The following MTUS2 variants were observed in gnomAD, a reference collection of about 807,000 sequenced individuals.
The protein encoded by MTUS2 is microtubule associated scaffold protein 2.
Under a neutral mutation model 114.1 loss-of-function variants are expected in MTUS2, and 40 were observed. The ratio of observed to expected loss-of-function variants is 0.35; its 90% CI spans 0.27 to 0.46. MTUS2 has a LOEUF of 0.46. Ranked by LOEUF, MTUS2 falls within the 20% of genes least tolerant of loss-of-function variation. MTUS2 has a pLI of 1.00. For synonymous variants in MTUS2, 688 were observed against 672.0 expected, an observed-to-expected ratio of 1.02 and a Z score of -0.37; for missense variants, 1,679 against 1,705.4, an observed-to-expected ratio of 0.98 and a Z score of 0.27.
chr13:28,901,147 T>G (rs1879620989), intron 2 of MTUS2, among the ~76,000 whole-genome samples: 1 of 152,222 alleles, frequency 6.6e-6, no homozygotes, highest in African/African-American at 2.4e-5. Flanking sequence ...TCTTTTCTTG[T>G]GCTTATTGCA....
Position 28,859,244 on chromosome 13 carries a change from G to A in MTUS2, c.-243+19394G>A, listed in dbSNP as rs529029924. 9.1e-4 allele frequency among the ~76,000 whole-genome samples: 139 copies of A among 152,322 alleles called. 1 individual carries two copies. The highest frequency in any genetic ancestry group is 2.1e-3 in the South Asian group (10 of 4,826). ...GCCCTGTTCAGTGGTCAGTACTACA[G>A]GGGTGGCTGGGGCCCAGTGGGAACT... On this transcript the variant is annotated intron_variant, in intron 2 of 15. Coordinates refer to ENST00000612955, the MANE Select transcript of MTUS2 (RefSeq NM_001033602.4).
chr13:29,500,923 A>G (rs1355289613), intron 14 of MTUS2, among the ~76,000 whole-genome samples, 174 bp from the exon 15 acceptor site: 2 of 152,200 alleles, frequency 1.3e-5, no homozygotes, highest in Non-Finnish European at 2.9e-5. Context: ...TCATTTAAAG[A>G]AGAAATGCTG....
intron 8 of MTUS2, among the ~76,000 whole-genome samples, chr13:29,423,910 G>A (rs1221344263): frequency 5.3e-5 from 8 of 151,786 alleles, no homozygotes; most frequent in Admixed American, 1.3e-4. Context: ...TGTCGCCCAG[G>A]CTACAATGCA....
chr13:29,409,870 G>A (rs949111024), intron 8 of MTUS2, among the ~76,000 whole-genome samples: 1 of 151,220 alleles, frequency 6.6e-6, no homozygotes, highest in African/African-American at 2.4e-5. Context: ...CATTCTCCTA[G>A]GAAGGGGCAT....
chr13:29,187,415 C>T (rs1291049950), intron 5 of MTUS2, among the ~76,000 whole-genome samples: 5 of 152,026 alleles, frequency 3.3e-5, no homozygotes, highest in Non-Finnish European at 5.9e-5. Context: ...GAAAGAGGGA[C>T]ATTACTACTG....
chr13:28,952,982 A>G (rs2138181892), intron 2 of MTUS2, among the ~76,000 whole-genome samples: 1 of 152,350 alleles, frequency 6.6e-6, no homozygotes, highest in South Asian at 2.1e-4. Context: ...CTATTGCCAG[A>G]TTGCTTCTAA....
intron 4 of MTUS2, among the ~76,000 whole-genome samples, chr13:29,051,149 T>C (rs1262747640): frequency 6.6e-6 from 1 of 152,056 alleles, no homozygotes; most frequent in Admixed American, 6.5e-5. Flanking sequence ...AGTTTACAGA[T>C]GAGAGTTACT....
intron 2 of MTUS2, among the ~76,000 whole-genome samples, chr13:28,878,206 A>AAT (rs146866165): frequency 0.019 from 2,803 of 149,340 alleles, 74 homozygotes; most frequent in African/African-American, 0.056. Context: ...CTTAAAAAAG[A>AAT]ATATATATAT....
intron 2 of MTUS2, among the ~76,000 whole-genome samples, chr13:28,946,450 A>G (rs1387536231): frequency 6.6e-6 from 1 of 152,190 alleles, no homozygotes; most frequent in Non-Finnish European, 1.5e-5. Flanking sequence ...GATCCTAAGG[A>G]AAAAGTCATG....
At chr13:28,905,582 C>T (rs1879947241) in intron 2 of MTUS2, among the ~76,000 whole-genome samples, 1 of 151,536 alleles carries the variant, frequency 6.6e-6, no homozygotes, top group Admixed American at 6.6e-5. Flanking sequence ...GTTGAACCAG[C>T]CTCGCATCCC....
chr13:29,044,337 C>T (rs1319713198), intron 4 of MTUS2, among the ~76,000 whole-genome samples: 1 of 151,870 alleles, frequency 6.6e-6, no homozygotes, highest in African/African-American at 2.4e-5. Flanking sequence ...CATAGTGTGT[C>T]GGTTTTCTCT....
At chr13:29,502,514 C>T (rs143606151) in intron 15 of MTUS2, among the ~76,000 whole-genome samples, 1,550 of 152,328 alleles carry the variant, frequency 0.01, 24 homozygotes, top group Non-Finnish European at 0.014. Flanking sequence ...AGGACACCTG[C>T]CATCGTGGAG....
At chr13:29,104,416 A>G (rs1358958399) in intron 5 of MTUS2, among the ~76,000 whole-genome samples, 2 of 148,740 alleles carry the variant, frequency 1.3e-5, no homozygotes, top group African/African-American at 4.9e-5. Context: ...TTTTCTTTCT[A>G]TTAGTAAAGC....
intron 6 of MTUS2, among the ~76,000 whole-genome samples, chr13:29,301,227 T>C (rs998805475): frequency 6.6e-6 from 1 of 152,168 alleles, no homozygotes; most frequent in African/African-American, 2.4e-5. Context: ...GTTATTCTCT[T>C]GCCTAGGACC....
rs1355405215 is a variant in MTUS2 at position 29,488,547 on chromosome 13, TCTCCAGCCCCAGCTGGAGC to T, written c.3505+552_3505+570del. 3.0e-4 allele frequency among the ~76,000 whole-genome samples: 46 copies of T among 151,652 alleles called. 1 individual carries two copies. The highest frequency in any genetic ancestry group is 1.0e-3 in the African/African-American group (43 of 41,290). On this transcript the variant is annotated intron_variant, in intron 11 of 15. Coordinates refer to ENST00000612955, the MANE Select transcript of MTUS2 (RefSeq NM_001033602.4). The stretch of plus-strand genomic sequence containing the variant: ...CTTCTGCCTCCTGGGTTCAAGCGAT[TCTCCAGCCCCAGCTGGAGC>T]CTCCAGCCCGAGTAGCTGGGATTAC...
chr13:29,491,552 T>A (rs1441104776), intron 11 of MTUS2, among the ~76,000 whole-genome samples: 1 of 99,516 alleles, frequency 1.0e-5, no homozygotes, highest in Non-Finnish European at 1.9e-5. Flanking sequence ...GGTGTGTGTG[T>A]GGTATATGTA....
chr13:28,937,884 C>T (rs1166649410), intron 2 of MTUS2, among the ~76,000 whole-genome samples: 1 of 152,026 alleles, frequency 6.6e-6, no homozygotes, highest in Admixed American at 6.6e-5. Flanking sequence ...AGACACTGAG[C>T]CTAATAGGCC....
intron 9 of MTUS2, among the ~76,000 whole-genome samples, chr13:29,471,795 G>T (rs187226506): frequency 6.8e-6 from 1 of 147,184 alleles, no homozygotes; most frequent in East Asian, 2.0e-4. Flanking sequence ...CTGAGCCCCT[G>T]CCTGCTCTTT....
At chr13:29,148,245 A>G (rs1224995448) in intron 5 of MTUS2, among the ~76,000 whole-genome samples, 1 of 148,854 alleles carries the variant, frequency 6.7e-6, no homozygotes, top group Non-Finnish European at 1.5e-5. Flanking sequence ...GTGCAGGGGT[A>G]CATGTGTAGG....
Sources: allele counts gnomAD v4.1 joint callset (sites outside exome capture counted in the v4.1 genomes callset), GRCh38; gene constraint gnomAD v4.1.1; transcripts MANE v1.5; gene names NCBI Gene and HGNC (gene_info 2026-07-23, HGNC 2026-07-21).